SCIN: variants seen among roughly 807,000 people sequenced by gnomAD.
The protein encoded by SCIN is scinderin.
SCIN carries 91 observed loss-of-function variants against 91.8 expected under a neutral mutation model. That is an observed-to-expected ratio of 0.99 (90% CI 0.84 to 1.18). SCIN has a LOEUF of 1.18. SCIN is among the 50% of genes most tolerant of loss of function. The probability of loss-of-function intolerance (pLI) is 0.00; values close to 1 mark genes in which losing one functional copy is unlikely to be tolerated. For missense variants in SCIN, 1,087 were observed against 863.9 expected, an observed-to-expected ratio of 1.26 and a Z score of -3.24; for synonymous variants, 367 against 312.6, an observed-to-expected ratio of 1.17 and a Z score of -1.84.
At position 12,622,739 on chromosome 7, in the gene SCIN, C is replaced by G; in HGVS notation, c.667-62C>G. ...TCCATGTCTTTATAAGTGTATTTTT[C>G]TAACTCTGCATCCTTCAATGGGAGA... On this transcript the variant is annotated intron_variant, in intron 4 of 15. Transcript: ENST00000297029. The G allele has an allele frequency of 5.3e-6, 6 of 1,141,172 alleles. No individual in the cohort carries two copies. The South Asian group carries it at 7.7e-5, about 15-fold the overall frequency. The allele number at this position is 1,141,172 out of a possible 1,614,324, so 70.7% of individuals were successfully genotyped here.
intron 11 of SCIN, among the ~76,000 whole-genome samples, chr7:12,643,418 C>G (rs1284318696): frequency 6.6e-6 from 1 of 152,160 alleles, no homozygotes; most frequent in Non-Finnish European, 1.5e-5. Flanking sequence ...GCCCTGGAAG[C>G]CAGACTTGGT....
chr7:12,625,820 A>G lies in SCIN; in HGVS notation c.951A>G (p.Leu317=). 6.2e-7 allele frequency: 1 copy of G among 1,612,242 alleles called. No individual in the cohort carries two copies. The highest frequency in any genetic ancestry group is 1.1e-5 in the South Asian group (1 of 90,952). The change falls in exon 7 of 16, where the codon CTA becomes CTG. Residue 317 remains leucine, a synonymous_variant. Transcript: ENST00000297029. ...KAAMKTAEEF[L]QQMNYSKNTQ... ...CAATGAAGACAGCTGAAGAATTTCT[A>G]CAGCAAATGAATTATTCCAAGAATA... is the stretch of plus-strand genomic sequence containing the variant.
At chr7:12,605,068 T>C (rs1211502507) in intron 4 of SCIN, among the ~76,000 whole-genome samples, 1 of 152,146 alleles carries the variant, frequency 6.6e-6, no homozygotes, top group Non-Finnish European at 1.5e-5. Flanking sequence ...GTTTTTGTTT[T>C]TGAGACGGAG....
chr7:12,637,090 T>A (rs78000206), intron 10 of SCIN, among the ~76,000 whole-genome samples: 128 of 152,232 alleles, frequency 8.4e-4, no homozygotes, highest in Admixed American at 1.5e-3. Flanking sequence ...TTTAGCCCAG[T>A]TACTAAATTA....
chr7:12,575,884 T>A (rs1472284252), intron 1 of SCIN, among the ~76,000 whole-genome samples: 1 of 152,180 alleles, frequency 6.6e-6, no homozygotes, highest in Non-Finnish European at 1.5e-5. Flanking sequence ...ATCCAAAGGC[T>A]GACATTGGCT....
intron 1 of SCIN, among the ~76,000 whole-genome samples, chr7:12,572,954 T>C (rs947903999): frequency 1.3e-5 from 2 of 152,084 alleles, no homozygotes; most frequent in African/African-American, 4.8e-5. Context: ...AATGTGATAA[T>C]TACTGTGAAA....
chr7:12,647,410 G>C (rs1562636399), intron 13 of SCIN, among the ~76,000 whole-genome samples: 1 of 151,818 alleles, frequency 6.6e-6, no homozygotes, highest in East Asian at 1.9e-4. Context: ...CAAGGCAGCA[G>C]AGCTTATTAA....
At chr7:12,598,795 C>T (rs1277405749) in intron 3 of SCIN, among the ~76,000 whole-genome samples, 3 of 151,982 alleles carry the variant, frequency 2.0e-5, no homozygotes, top group Non-Finnish European at 4.4e-5. Context: ...TGTAGTCCTA[C>T]CTACTCAGAA....
In SCIN at chr7:12,570,939, G is replaced by GAGCCAAGACGA; in HGVS notation, c.153_154insAGCCAAGACGA (p.Ala52SerfsTer68). ...GGGATGCCTACCTGGTGCTGCACACGGCCAAGACGAGCCGAGGCTTCACCT... is the reference window on the plus strand; with the variant it reads ...GGGATGCCTACCTGGTGCTGCACACGAGCCAAGACGAGCCAAGACGAGCCGAGGCTTCACCT... On this transcript the variant is annotated frameshift_variant, in exon 1 of 16. Coordinates refer to ENST00000297029, the MANE Select transcript of SCIN (RefSeq NM_001112706.3). LOFTEE classifies it high-confidence loss of function. The GAGCCAAGACGA allele has an allele frequency of 6.4e-7, 1 of 1,551,392 alleles. No homozygotes were observed. The highest frequency in any genetic ancestry group is 8.7e-7 in the Non-Finnish European group (1 of 1,146,936).
At chr7:12,624,885 G>A in intron 5 of SCIN, 125 bp from the exon 6 acceptor site, 3 of 842,956 alleles carry the variant, frequency 3.6e-6, no homozygotes, top group Non-Finnish European at 5.1e-6. Flanking sequence ...TGCATTTAAA[G>A]TGTACAATTC....
intron 3 of SCIN, among the ~76,000 whole-genome samples, chr7:12,594,236 T>G (rs757455795): frequency 2.6e-5 from 4 of 151,764 alleles, no homozygotes; most frequent in Non-Finnish European, 5.9e-5. Context: ...AGGATCATGA[T>G]GCTCTGGTGG....
chr7:12,649,865 G>A (rs1784044254), intron 14 of SCIN, among the ~76,000 whole-genome samples: 1 of 152,142 alleles, frequency 6.6e-6, no homozygotes, highest in African/African-American at 2.4e-5. Context: ...CGTGTGTACA[G>A]TGTCATGGGG....
In SCIN at chr7:12,643,567, C is replaced by A. The variant is rs553169247; in HGVS notation, c.1582-571C>A. Among the ~76,000 whole-genome samples, 7 of 152,250 alleles carry A rather than the reference C, an allele frequency of 4.6e-5. No individual in the cohort carries two copies. In the South Asian group the frequency reaches 1.5e-3, roughly 32 times the overall value. On this transcript the variant is annotated intron_variant, in intron 11 of 15. Coordinates refer to ENST00000297029, the MANE Select transcript of SCIN (RefSeq NM_001112706.3). ...ACATTCCTTTAAAACTTCCAACAGC[C>A]ATTCCTTCCACCTCTAGTGTTCTCT...
At chr7:12,571,777 T>A (rs1477694184) in intron 1 of SCIN, among the ~76,000 whole-genome samples, 1 of 152,202 alleles carries the variant, frequency 6.6e-6, no homozygotes, top group Non-Finnish European at 1.5e-5. Flanking sequence ...GCAGTAGTAA[T>A]TATTTTGAGC....
intron 9 of SCIN, among the ~76,000 whole-genome samples, chr7:12,632,160 C>T (rs1423629553): frequency 7.7e-6 from 1 of 130,488 alleles, no homozygotes; most frequent in African/African-American, 2.9e-5. Context: ...GACAAAGTCT[C>T]ACTCTGTTGC....
In SCIN at chr7:12,653,656, T is replaced by G. The variant is rs554578753; in HGVS notation, c.*941T>G. 1.2e-4 allele frequency: 19 copies of G among 152,308 alleles called. No homozygotes were observed. The highest frequency in any genetic ancestry group is 8.3e-4 in the South Asian group (4 of 4,828). The allele number at this position is 152,308 out of a possible 1,614,324, so 9.4% of individuals were successfully genotyped here. ...TGTTATCCACTTAGATACATGTACA[T>G]GTACAGTACATGTTTAATATCACAG... On this transcript the variant is annotated 3_prime_UTR_variant, in exon 16 of 16. Coordinates refer to ENST00000297029, the MANE Select transcript of SCIN (RefSeq NM_001112706.3). This position sits in a 1 kb window ranked among gnomAD's most constrained non-coding sequence, Gnocchi z 4.1.
At chr7:12,636,241 G>A (rs190790343) in intron 10 of SCIN, 106 bp downstream of exon 10, 1 of 708,136 alleles carries the variant, frequency 1.4e-6, no homozygotes, top group East Asian at 2.8e-5. Flanking sequence ...ACATTTTCTT[G>A]ATATGAACTG....
intron 12 of SCIN, 64 bp from the exon 13 acceptor site, chr7:12,644,520 T>C: frequency 6.3e-7 from 1 of 1,584,064 alleles, no homozygotes; most frequent in Non-Finnish European, 8.6e-7. Context: ...TATTTGTTCA[T>C]ATAAAGCGAC....
chr7:12,640,661 C>T, intron 11 of SCIN, 144 bp downstream of exon 11: 2 of 763,944 alleles, frequency 2.6e-6, no homozygotes. Context: ...ATTTTAAAAA[C>T]ATTTAAAGCA....
Sources: allele counts gnomAD v4.1 joint callset (sites outside exome capture counted in the v4.1 genomes callset), GRCh38; gene constraint gnomAD v4.1.1; non-coding constraint Gnocchi (gnomAD v3.1); transcripts MANE v1.5; gene names NCBI Gene and HGNC (gene_info 2026-07-23, HGNC 2026-07-21).